TMEM150C: variants seen among roughly 807,000 people sequenced by gnomAD.
TMEM150C encodes transmembrane protein 150C.
TMEM150C carries 10 observed loss-of-function variants against 29.9 expected under a neutral mutation model. The observed-to-expected ratio is 0.33, with a 90% CI of 0.21 to 0.57. TMEM150C has a LOEUF of 0.57. Ranked by LOEUF, TMEM150C falls within the 20% of genes least tolerant of loss-of-function variation. The probability of loss-of-function intolerance (pLI) is 0.88; values close to 1 mark genes in which losing one functional copy is unlikely to be tolerated. For missense variants in TMEM150C, 251 were observed against 303.6 expected (o/e 0.83, Z 1.29); for synonymous variants, 101 against 112.5 (o/e 0.90, Z 0.64).
At chr4:82,503,616 C>G (rs926707167) in intron 2 of TMEM150C, among the ~76,000 whole-genome samples, 22 of 151,926 alleles carry the variant, frequency 1.4e-4, no homozygotes, top group African/African-American at 5.1e-4. Context: ...TTTGGGAGGC[C>G]GAGGCGGGCA....
chr4:82,520,947 T>G (rs904446862), intron 1 of TMEM150C, among the ~76,000 whole-genome samples: 9 of 152,176 alleles, frequency 5.9e-5, no homozygotes, highest in Non-Finnish European at 1.3e-4. Flanking sequence ...CCTTCCTCTC[T>G]GACTTTACGC....
chr4:82,517,954 A>T (rs1305023881), intron 1 of TMEM150C, among the ~76,000 whole-genome samples: 4 of 152,198 alleles, frequency 2.6e-5, no homozygotes, highest in Non-Finnish European at 5.9e-5. Context: ...AACAACTTGC[A>T]AGCTCACTGC....
intron 1 of TMEM150C, among the ~76,000 whole-genome samples, chr4:82,532,656 C>T (rs1346170348): frequency 6.6e-6 from 1 of 151,334 alleles, no homozygotes; most frequent in African/African-American, 2.4e-5. Flanking sequence ...ATACATAGAA[C>T]TTTAAGTTAT....
chr4:82,500,627 G>A (rs557564925), intron 5 of TMEM150C, among the ~76,000 whole-genome samples: 6 of 152,176 alleles, frequency 3.9e-5, no homozygotes, highest in East Asian at 1.9e-4. Context: ...AATATCATCT[G>A]GAAGAGGGGA....
chr4:82,520,327 A>G lies in TMEM150C; in HGVS notation c.-10-15660T>C, dbSNP rs868763113. ...GACATCTCAGTGTGGACACCTTTCTATGTCAGCACCCACAGTGTCCTCCCA... is the reference window on the plus strand; with the variant it reads ...GACATCTCAGTGTGGACACCTTTCTGTGTCAGCACCCACAGTGTCCTCCCA... On this transcript the variant is annotated intron_variant, in intron 1 of 7. Coordinates refer to ENST00000449862, the MANE Select transcript of TMEM150C (RefSeq NM_001080506.3). 3.9e-5 allele frequency among the ~76,000 whole-genome samples: 6 copies of G among 152,276 alleles called. No individual in the cohort carries two copies. The Middle Eastern group carries it at 0.02, about 518-fold the overall frequency.
chr4:82,533,380 CT>C (rs1480119395), intron 1 of TMEM150C, among the ~76,000 whole-genome samples: 1 of 152,152 alleles, frequency 6.6e-6, no homozygotes, highest in Non-Finnish European at 1.5e-5. Context: ...GCTACTCAAA[CT>C]TTTTTATAGG....
At chr4:82,536,087 G>A (rs766698997) in intron 1 of TMEM150C, among the ~76,000 whole-genome samples, 9 of 152,100 alleles carry the variant, frequency 5.9e-5, no homozygotes, top group African/African-American at 9.7e-5. Flanking sequence ...TAGGATGGGC[G>A]TGGTGGCTCA....
intron 1 of TMEM150C, among the ~76,000 whole-genome samples, chr4:82,522,776 G>T (rs978225273): frequency 6.6e-6 from 1 of 152,122 alleles, no homozygotes; most frequent in Non-Finnish European, 1.5e-5. Context: ...AGCTGGGTGG[G>T]GGGCTGTGGA....
At chr4:82,535,934 C>G (rs942411663) in intron 1 of TMEM150C, among the ~76,000 whole-genome samples, 2 of 152,132 alleles carry the variant, frequency 1.3e-5, no homozygotes, top group African/African-American at 4.8e-5. Flanking sequence ...TAGCACCCCC[C>G]TCCCTGCTGC....
intron 5 of TMEM150C, 67 bp downstream of exon 5, chr4:82,502,660 T>G: frequency 6.8e-7 from 1 of 1,466,210 alleles, no homozygotes; most frequent in Non-Finnish European, 9.4e-7. Flanking sequence ...TGACAAGGGT[T>G]TGGGAGAATT....
At chr4:82,507,667 C>T (rs185790120) in intron 1 of TMEM150C, among the ~76,000 whole-genome samples, 1 of 145,264 alleles carries the variant, frequency 6.9e-6, no homozygotes, top group African/African-American at 2.5e-5. Flanking sequence ...AGATACCTGA[C>T]TGAAAGTACC....
intron 6 of TMEM150C, chr4:82,495,609 T>C: frequency 2.9e-6 from 1 of 350,770 alleles, no homozygotes; most frequent in Non-Finnish European, 5.6e-6. Flanking sequence ...TTTCTCTTTC[T>C]TTCTCCAGCT....
chr4:82,495,946 A>T (rs1723543027), intron 6 of TMEM150C, 122 bp downstream of exon 6: 1 of 1,287,328 alleles, frequency 7.8e-7, no homozygotes, highest in East Asian at 2.4e-5. Flanking sequence ...CCTAGTTTTT[A>T]AAAAAAGGTT....
intron 6 of TMEM150C, chr4:82,491,356 G>A: frequency 1.6e-6 from 1 of 640,846 alleles, no homozygotes; most frequent in East Asian, 2.7e-5. Flanking sequence ...GTAGCTGCTT[G>A]GCATCCAGGG....
chr4:82,515,978 G>A (rs762040024), intron 1 of TMEM150C, among the ~76,000 whole-genome samples: 3 of 152,032 alleles, frequency 2.0e-5, no homozygotes, highest in Non-Finnish European at 4.4e-5. Flanking sequence ...AAAACAAACA[G>A]TGAGCCTTCA....
intron 1 of TMEM150C, among the ~76,000 whole-genome samples, chr4:82,560,896 C>A (rs1725898508): frequency 6.6e-6 from 1 of 152,164 alleles, no homozygotes; most frequent in Non-Finnish European, 1.5e-5. Context: ...ATCTGGTTCC[C>A]CAACAGGACC....
intron 1 of TMEM150C, among the ~76,000 whole-genome samples, chr4:82,526,975 C>G (rs546618033): frequency 6.6e-6 from 1 of 151,124 alleles, no homozygotes; most frequent in Non-Finnish European, 1.5e-5. Flanking sequence ...CCACTGTCAG[C>G]CAATCTAGGA....
intron 6 of TMEM150C, chr4:82,491,533 T>A: frequency 1.5e-6 from 1 of 669,778 alleles, no homozygotes; most frequent in South Asian, 1.7e-5. Flanking sequence ...TTCTTAGGCC[T>A]TTTCTCAAAC....
chr4:82,496,079 CAAGT>C lies in TMEM150C; in HGVS notation c.348_351del (p.Leu117ValfsTer18), dbSNP rs767911936. The C allele has an allele frequency of 2.5e-6, 4 of 1,613,870 alleles. No individual in the cohort carries two copies. Among genetic ancestry groups the C allele is most frequent in the Non-Finnish European group, 3.4e-6 (4 of 1,179,858 alleles). On this transcript the variant is annotated frameshift_variant, in exon 6 of 8. Coordinates refer to ENST00000449862, the MANE Select transcript of TMEM150C (RefSeq NM_001080506.3). LOFTEE classifies it high-confidence loss of function. ...GCCAAATCAAGTACCTGAAAATTAC[CAAGT>C]AAGGTCATTCCGAAGGAAGCCAGAC...
Sources: allele counts gnomAD v4.1 joint callset (sites outside exome capture counted in the v4.1 genomes callset), GRCh38; gene constraint gnomAD v4.1.1; transcripts MANE v1.5; gene names NCBI Gene and HGNC (gene_info 2026-07-23, HGNC 2026-07-21).